The following TYW1 variants were observed in gnomAD, a reference collection of about 807,000 sequenced individuals.
TYW1 encodes the protein S-adenosyl-L-methionine-dependent tRNA 4-demethylwyosine synthase TYW1.
TYW1 carries 46 observed loss-of-function variants against 96.2 expected under a neutral mutation model. That is an observed-to-expected ratio of 0.48 (90% CI 0.38 to 0.61). TYW1 has a LOEUF of 0.61. Among genes scored for constraint, TYW1 ranks in the 20% least tolerant of loss-of-function variants. The pLI is 0.00. For synonymous variants in TYW1, 274 were observed against 323.0 expected, an observed-to-expected ratio of 0.85 and a Z score of 1.63; for missense variants, 684 against 909.6, an observed-to-expected ratio of 0.75 and a Z score of 3.19.
chr7:67,014,156 A>G (rs1793925120), intron 4 of TYW1, among the ~76,000 whole-genome samples: 1 of 152,184 alleles, frequency 6.6e-6, no homozygotes, highest in South Asian at 2.1e-4. Flanking sequence ...ACCAGGAGGT[A>G]TACTGGCAGG....
chr7:67,073,767 CAAAAAAAAA>C (rs71526599), intron 10 of TYW1, among the ~76,000 whole-genome samples: 12 of 42,324 alleles, frequency 2.8e-4, no homozygotes, highest in South Asian at 1.2e-3. Context: ...CGAGACTCTT[CAAAAAAAAA>C]AAAAAAAAAA....
chr7:67,000,915 A>T (rs962980602), intron 3 of TYW1, among the ~76,000 whole-genome samples: 5 of 152,236 alleles, frequency 3.3e-5, no homozygotes, highest in African/African-American at 1.2e-4. Context: ...TTGAGTGCAG[A>T]TACTTTGCTT....
intron 11 of TYW1, among the ~76,000 whole-genome samples, chr7:67,094,779 A>G (rs547651659): frequency 6.6e-6 from 1 of 151,986 alleles, no homozygotes; most frequent in East Asian, 1.9e-4. Flanking sequence ...TGAGCTCTGA[A>G]CTAGGAGATC....
At position 67,092,639 on chromosome 7, in the gene TYW1, G is replaced by C. The variant is rs2115826107; in HGVS notation, c.1385-5902G>C. Among the ~76,000 whole-genome samples the C allele has an allele frequency of 1.4e-5, 2 of 142,718 alleles. 1 individual carries two copies. Among genetic ancestry groups the C allele is most frequent in the South Asian group, 4.5e-4 (2 of 4,470 alleles). The allele number at this position is 142,718 out of a possible 152,430, so 93.6% of individuals were successfully genotyped here. On this transcript the variant is annotated intron_variant, in intron 11 of 15. Transcript: ENST00000359626. ...TGGCACCCCACATCTTCATTGCCCTGCTCTTTCTTTTCTTTTCCACGTGCC... is the reference window on the plus strand; with the variant it reads ...TGGCACCCCACATCTTCATTGCCCTCCTCTTTCTTTTCTTTTCCACGTGCC...
chr7:67,043,316 C>T (rs1350781788), intron 7 of TYW1, among the ~76,000 whole-genome samples: 8 of 148,344 alleles, frequency 5.4e-5, no homozygotes, highest in Admixed American at 2.0e-4. Flanking sequence ...TTTATTTTCT[C>T]TTTCTCTTAT....
In TYW1 at chr7:67,024,952, A is replaced by G; in HGVS notation, c.914A>G (p.His305Arg). 6.2e-7 allele frequency: 1 copy of G among 1,613,944 alleles called. No homozygotes were observed. The highest frequency in any genetic ancestry group is 1.7e-5 in the Admixed American group (1 of 59,994). ...GAAGAAGAGTTTGGTGGTGAGGACC[A>G]TCAGAGCCTAAATTCCATTGTTGAT... ...SSEEEFGGED[H>R]QSLNSIVDVE... Residue 305 changes from histidine (H) to arginine (R), a missense_variant, in exon 7 of 16, where the codon CAT becomes CGT. His to Arg is a conservative substitution (Grantham distance 29). Coordinates refer to ENST00000359626, the MANE Select transcript of TYW1 (RefSeq NM_018264.4).
At chr7:67,192,821 A>C (rs1219869111) in intron 14 of TYW1, among the ~76,000 whole-genome samples, 2 of 152,182 alleles carry the variant, frequency 1.3e-5, no homozygotes, top group Non-Finnish European at 2.9e-5. Flanking sequence ...GTCCAGCTCA[A>C]ATTTGTCTTC....
chr7:67,209,208 G>A (rs1815101), intron 15 of TYW1, among the ~76,000 whole-genome samples: 40,730 of 152,082 alleles, frequency 0.27, 5,822 homozygotes, highest in African/African-American at 0.36. Flanking sequence ...GAGCCTGCAT[G>A]TTTTAGTTTC....
chr7:67,186,677 GA>G (rs1800035650), intron 14 of TYW1, among the ~76,000 whole-genome samples: 1 of 151,974 alleles, frequency 6.6e-6, no homozygotes, highest in South Asian at 2.1e-4. Flanking sequence ...TGTATTTATA[GA>G]AATGGGGTCT....
intron 14 of TYW1, among the ~76,000 whole-genome samples, chr7:67,187,147 G>T (rs11764142): frequency 0.5 from 72,481 of 144,624 alleles, 18,132 homozygotes; most frequent in African/African-American, 0.63. Context: ...CACTGCAACC[G>T]CCGCCTCCTG....
At chr7:67,059,589 T>C (rs995966169) in intron 9 of TYW1, among the ~76,000 whole-genome samples, 2 of 147,298 alleles carry the variant, frequency 1.4e-5, no homozygotes, top group African/African-American at 5.0e-5. Flanking sequence ...TTGTGCAAGG[T>C]TGTGGTTTTT....
intron 7 of TYW1, among the ~76,000 whole-genome samples, chr7:67,045,839 A>G (rs1795171086): frequency 6.6e-6 from 1 of 152,192 alleles, no homozygotes; most frequent in Non-Finnish European, 1.5e-5. Flanking sequence ...AGGAGAAATC[A>G]AGGCCGTGGA....
intron 13 of TYW1, among the ~76,000 whole-genome samples, chr7:67,144,426 C>T (rs1289997021): frequency 6.6e-6 from 1 of 152,222 alleles, no homozygotes; most frequent in Non-Finnish European, 1.5e-5. Context: ...GCGTACCCTA[C>T]AGGTCACCTC....
At chr7:67,137,433 T>C (rs529367798) in intron 13 of TYW1, among the ~76,000 whole-genome samples, 92 of 152,040 alleles carry the variant, frequency 6.1e-4, no homozygotes, top group Admixed American at 1.1e-3. Flanking sequence ...CTAGGCAACA[T>C]GGCAAGACCT....
At chr7:67,118,529 C>T (rs970702117) in intron 13 of TYW1, among the ~76,000 whole-genome samples, 1 of 151,462 alleles carries the variant, frequency 6.6e-6, no homozygotes, top group South Asian at 2.1e-4. Context: ...TATTTTTCAT[C>T]CATGGTTGGT....
intron 7 of TYW1, among the ~76,000 whole-genome samples, chr7:67,039,106 G>A (rs1006080551): frequency 8.5e-5 from 13 of 152,228 alleles, no homozygotes; most frequent in African/African-American, 2.9e-4. Flanking sequence ...TGGCCATGTG[G>A]TCTTTGTCAT....
At chr7:67,197,402 T>C (rs1030686770) in intron 15 of TYW1, among the ~76,000 whole-genome samples, 11 of 151,812 alleles carry the variant, frequency 7.2e-5, no homozygotes, top group African/African-American at 2.4e-4. Flanking sequence ...CTCGGCTCAC[T>C]GCAACCTCTG....
intron 10 of TYW1, among the ~76,000 whole-genome samples, chr7:67,082,192 ATGTTTT>A (rs1796411516): frequency 6.6e-6 from 1 of 151,454 alleles, no homozygotes; most frequent in South Asian, 2.1e-4. Flanking sequence ...TTGCTATTTC[ATGTTTT>A]TGTTTTTTAC....
chr7:67,117,631 A>C lies in TYW1; in HGVS notation c.1698+13A>C, dbSNP rs763091907. ...CTTGGCAGTCAAGGTAAGAATTATG[A>C]CATCTTAAAAATAAATAAACAACCC... On this transcript the variant is annotated intron_variant, in intron 13 of 15. Transcript: ENST00000359626. 10 of 1,598,380 alleles carry C rather than the reference A, an allele frequency of 6.3e-6. No individual in the cohort carries two copies. Among genetic ancestry groups the C allele is most frequent in the Non-Finnish European group, 7.7e-6 (9 of 1,176,040 alleles).
Sources: gnomAD v4.1 joint callset for allele counts (sites outside exome capture counted in the v4.1 genomes callset) on GRCh38, gnomAD v4.1.1 for gene constraint, MANE v1.5 for transcripts, NCBI Gene and HGNC (gene_info 2026-07-23, HGNC 2026-07-21) for gene names.